The following SYT16 variants were observed in gnomAD, a reference collection of about 807,000 sequenced individuals.
SYT16 encodes the protein synaptotagmin 16.
In SYT16, 42 loss-of-function variants were observed where a neutral mutation model predicts 61.4. That is an observed-to-expected ratio of 0.68 (90% CI 0.53 to 0.89). SYT16 has a LOEUF of 0.89. SYT16 is among the 40% of genes least tolerant of loss of function. The pLI, the probability that SYT16 is intolerant of heterozygous loss-of-function variation, is 0.00. For synonymous variants in SYT16, 314 were observed against 302.3 expected, an observed-to-expected ratio of 1.04 and a Z score of -0.40; for missense variants, 804 against 807.3, an observed-to-expected ratio of 1.00 and a Z score of 0.05.
chr14:62,087,401 C>T (rs2056922452), intron 7 of SYT16, among the ~76,000 whole-genome samples: 1 of 152,188 alleles, frequency 6.6e-6, no homozygotes, highest in African/African-American at 2.4e-5. Flanking sequence ...GAACTTGTAC[C>T]ACTGAGGGCC....
intron 1 of SYT16, among the ~76,000 whole-genome samples, chr14:61,969,244 G>A (rs1446288372): frequency 6.6e-6 from 1 of 151,970 alleles, no homozygotes; most frequent in Non-Finnish European, 1.5e-5. Context: ...CTTGATATTT[G>A]TTCTGTAATC....
In SYT16 at chr14:62,075,299, A is replaced by C; in HGVS notation, c.901A>C (p.Thr301Pro). Residue 301 changes from threonine (T) to proline (P), a missense_variant, in exon 5 of 8, where the codon ACA becomes CCA. Physicochemically the swap from Thr to Pro is conservative, Grantham distance 38. Transcript: ENST00000683842. ...SVVQSLRRQSTEGSLEMETAF... is the reference protein window; with the variant it reads ...SVVQSLRRQSPEGSLEMETAF... ...GGTCCAAAGCCTCAGGCGCCAATCC[A>C]CAGAGGGCAGCTTGGAGATGGAGAC... 6.2e-7 allele frequency: 1 copy of C among 1,613,938 alleles called. No individual in the cohort carries two copies. The highest frequency in any genetic ancestry group is 1.1e-5 in the South Asian group (1 of 91,080).
chr14:62,052,649 G>T (rs2055361694), intron 3 of SYT16, among the ~76,000 whole-genome samples: 1 of 152,204 alleles, frequency 6.6e-6, no homozygotes, highest in African/African-American at 2.4e-5. Context: ...CCATAATCCT[G>T]ATGGGTTGGT....
intron 6 of SYT16, among the ~76,000 whole-genome samples, chr14:62,082,846 C>A (rs1454571483): frequency 6.6e-6 from 1 of 152,188 alleles, no homozygotes. Context: ...AAGAACTTTG[C>A]AGGTGGAAGT....
chr14:62,081,410 T>G, intron 6 of SYT16, 136 bp downstream of exon 6: 1 of 958,452 alleles, frequency 1.0e-6, no homozygotes, highest in South Asian at 1.7e-5. Context: ...CTCACCCTTG[T>G]AAGCCATGAT....
At chr14:62,083,333 G>A (rs2056772914) in intron 6 of SYT16, among the ~76,000 whole-genome samples, 3 of 152,170 alleles carry the variant, frequency 2.0e-5, no homozygotes. Context: ...CTTGTTTCTG[G>A]TGGAGGAGAT....
intron 1 of SYT16, among the ~76,000 whole-genome samples, chr14:61,869,458 CTT>C (rs911296663): frequency 6.6e-6 from 1 of 152,034 alleles, no homozygotes. Flanking sequence ...TACAGTATAA[CTT>C]TTAAATTTAT....
chr14:62,055,416 C>G (rs1046820859), intron 3 of SYT16, among the ~76,000 whole-genome samples: 4 of 152,130 alleles, frequency 2.6e-5, no homozygotes, highest in Non-Finnish European at 5.9e-5. Context: ...CAGAAAACAT[C>G]GTTACTTGAG....
At chr14:61,961,333 A>G (rs2051106886) in intron 1 of SYT16, among the ~76,000 whole-genome samples, 1 of 152,114 alleles carries the variant, frequency 6.6e-6, no homozygotes, top group Non-Finnish European at 1.5e-5. Context: ...TAAACTAACA[A>G]CCTACAGAAT....
At position 62,108,307 on chromosome 14, in the gene SYT16, C is replaced by G. The variant is rs1474060481; in HGVS notation, c.*7600C>G. ...GTGGCCTGAAAATTCTGACTGAAAG[C>G]AAGTTTTTCGTGTTGCCCAGTTGAT... is the stretch of plus-strand genomic sequence containing the variant. On this transcript the variant is annotated 3_prime_UTR_variant, in exon 8 of 8. Transcript: ENST00000683842. 6.6e-6 allele frequency: 1 copy of G among 152,114 alleles called. No individual in the cohort carries two copies. The highest frequency in any genetic ancestry group is 2.4e-5 in the African/African-American group (1 of 41,428). 9.4% of individuals were successfully genotyped at this position (152,114 alleles called of 1,614,324 possible).
intron 1 of SYT16, chr14:61,832,224 A>G (rs2045961286): frequency 1.6e-6 from 1 of 632,634 alleles, no homozygotes. Flanking sequence ...GACATGGGCC[A>G]CATCGGGTAC....
In SYT16 at chr14:62,105,376, C is replaced by G. The variant is rs1260751673; in HGVS notation, c.*4669C>G. 3.3e-5 allele frequency: 5 copies of G among 152,188 alleles called. No homozygotes were observed. Among genetic ancestry groups the G allele is most frequent in the Admixed American group, 2.6e-4 (4 of 15,286 alleles). The allele number at this position is 152,188 out of a possible 1,614,324, so 9.4% of individuals were successfully genotyped here. The stretch of plus-strand genomic sequence containing the variant: ...AAAAAGTAAAATAAATGATGTGATA[C>G]TATACTGAGACTGTTTTAAAAATGG... On this transcript the variant is annotated 3_prime_UTR_variant, in exon 8 of 8. Transcript: ENST00000683842.
At chr14:61,951,667 A>C (rs2784500) in intron 1 of SYT16, among the ~76,000 whole-genome samples, 53,856 of 151,930 alleles carry the variant, frequency 0.35, 10,403 homozygotes, top group African/African-American at 0.48. Context: ...GTGAAAGTTA[A>C]ATTGCCCCAT....
At chr14:61,899,210 C>A (rs1018348376) in intron 1 of SYT16, among the ~76,000 whole-genome samples, 5 of 149,688 alleles carry the variant, frequency 3.3e-5, no homozygotes, top group Non-Finnish European at 7.4e-5. Flanking sequence ...CTTTAGGTAA[C>A]CTAGTCAGAA....
chr14:61,914,066 C>T (rs1454170078), intron 1 of SYT16, among the ~76,000 whole-genome samples: 1 of 151,982 alleles, frequency 6.6e-6, no homozygotes, highest in Non-Finnish European at 1.5e-5. Context: ...TCTGTGAGCC[C>T]CTTTTGGAAC....
chr14:62,053,395 C>G (rs1018731016), intron 3 of SYT16, among the ~76,000 whole-genome samples: 3 of 152,196 alleles, frequency 2.0e-5, no homozygotes, highest in African/African-American at 7.2e-5. Flanking sequence ...CCCTGGTTCT[C>G]AGACCTTCAA....
At chr14:61,895,163 G>A (rs911550689) in intron 1 of SYT16, among the ~76,000 whole-genome samples, 1 of 152,212 alleles carries the variant, frequency 6.6e-6, no homozygotes, top group Non-Finnish European at 1.5e-5. Context: ...TAATGTGAAG[G>A]AATGGAGGTA....
intron 1 of SYT16, among the ~76,000 whole-genome samples, chr14:61,899,374 A>G (rs143805368): frequency 2.0e-5 from 3 of 152,306 alleles, no homozygotes; most frequent in African/African-American, 7.2e-5. Context: ...TCCTTTGACA[A>G]TAAAACCTTT....
intron 3 of SYT16, among the ~76,000 whole-genome samples, chr14:62,052,980 G>A (rs532516851): frequency 6.6e-6 from 1 of 152,230 alleles, no homozygotes; most frequent in Admixed American, 6.5e-5. Flanking sequence ...GGGTGCTGCT[G>A]TAATAAATAT....
Sources: gnomAD v4.1 joint callset for allele counts (sites outside exome capture counted in the v4.1 genomes callset) on GRCh38, gnomAD v4.1.1 for gene constraint, MANE v1.5 for transcripts, NCBI Gene and HGNC (gene_info 2026-07-23, HGNC 2026-07-21) for gene names.